CYSLTR2: variants seen among roughly 807,000 people sequenced by gnomAD.
CYSLTR2 encodes cysteinyl leukotriene receptor 2.
For synonymous variants in CYSLTR2, 179 were observed against 160.8 expected, an observed-to-expected ratio of 1.11 and a Z score of -0.86; for missense variants, 398 against 411.9, an observed-to-expected ratio of 0.97 and a Z score of 0.29.
At chr13:48,682,184 C>T (rs1953774209) in intron 1 of CYSLTR2, among the ~76,000 whole-genome samples, 1 of 152,154 alleles carries the variant, frequency 6.6e-6, no homozygotes, top group African/African-American at 2.4e-5. Context: ...ATTAATCCCT[C>T]TCCACATTTG....
chr13:48,656,900 C>T (rs1378018392), intron 1 of CYSLTR2, among the ~76,000 whole-genome samples: 1 of 152,208 alleles, frequency 6.6e-6, no homozygotes, highest in African/African-American at 2.4e-5. Flanking sequence ...GGGTGCTCAG[C>T]GTTGCTAGAG....
chr13:48,695,656 G>A (rs1349806265), intron 3 of CYSLTR2, among the ~76,000 whole-genome samples: 1 of 151,492 alleles, frequency 6.6e-6, no homozygotes, highest in African/African-American at 2.4e-5. Context: ...ATTCAAGGAT[G>A]TTATATAAAT....
intron 4 of CYSLTR2, among the ~76,000 whole-genome samples, chr13:48,703,137 C>G (rs1954392996): frequency 1.3e-5 from 2 of 152,016 alleles, no homozygotes; most frequent in South Asian, 4.1e-4. Context: ...ATTTTGTATT[C>G]TGCCACTTTG....
In CYSLTR2 at chr13:48,693,516, G is replaced by A. The variant is rs1349882267; in HGVS notation, c.-103+6G>A. ...TGAATGGGTCATTTGATAAGGTAAC[G>A]ATTAATTTCTGAAGACAGGGGAAAA... On this transcript the variant is annotated splice_donor_region_variant and intron_variant, in intron 3 of 4. Coordinates refer to ENST00000682523, the MANE Select transcript of CYSLTR2 (RefSeq NM_001308476.3). 1 of 151,086 alleles carries A rather than the reference G, an allele frequency of 6.6e-6. No homozygotes were observed. Among genetic ancestry groups the A allele is most frequent in the Non-Finnish European group, 1.5e-5 (1 of 67,908 alleles). 9.4% of individuals were successfully genotyped at this position (151,086 alleles called of 1,614,324 possible). A position where few individuals can be genotyped will look rare whatever the true frequency, so the allele number is the denominator to read the frequency against.
At position 48,708,129 on chromosome 13, in the gene CYSLTR2, A is replaced by G. The variant is rs1954553479; in HGVS notation, c.*271A>G. 3 of 304,122 alleles carry G rather than the reference A, an allele frequency of 9.9e-6. 1 individual carries two copies. In the South Asian group the frequency reaches 3.8e-4, roughly 38 times the overall value. The allele number at this position is 304,122 out of a possible 1,614,324, so 18.8% of individuals were successfully genotyped here. On this transcript the variant is annotated 3_prime_UTR_variant, in exon 5 of 5. Transcript: ENST00000682523. ...TGGGAAAAAATGCAAAGCACATTGG[A>G]TCCTACTTTTCTTCAGATATTGAAC...
chr13:48,654,251 TTGTGTGTGTGTG>T lies in CYSLTR2; in HGVS notation c.-266+277_-266+288del, dbSNP rs372575519. 5.0e-3 allele frequency among the ~76,000 whole-genome samples: 652 copies of T among 129,278 alleles called. 4 individuals are homozygous for T. Among genetic ancestry groups the T allele is most frequent in the East Asian group, 0.013 (58 of 4,304 alleles). 84.8% of individuals were successfully genotyped at this position (129,278 alleles called of 152,430 possible). The stretch of plus-strand genomic sequence containing the variant: ...TATTGATATTTTGGGGATCGTCCCT[TTGTGTGTGTGTG>T]TGTGTGTGTGTGTGTGTGTGTGTGT... On this transcript the variant is annotated intron_variant, in intron 1 of 4. Coordinates refer to ENST00000682523, the MANE Select transcript of CYSLTR2 (RefSeq NM_001308476.3).
chr13:48,673,433 C>CTTTTTTTTTTTTTTTT lies in CYSLTR2; in HGVS notation c.-265-17769_-265-17754dup, dbSNP rs61699943. Among the ~76,000 whole-genome samples the CTTTTTTTTTTTTTTTT allele has an allele frequency of 4.8e-3, 232 of 48,366 alleles. 5 individuals are homozygous for CTTTTTTTTTTTTTTTT. The highest frequency in any genetic ancestry group is 5.8e-3 in the Non-Finnish European group (158 of 27,286). The allele number at this position is 48,366 out of a possible 152,430, so 31.7% of individuals were successfully genotyped here. On this transcript the variant is annotated intron_variant, in intron 1 of 4. Coordinates refer to ENST00000682523, the MANE Select transcript of CYSLTR2 (RefSeq NM_001308476.3). ...TCAGAGACTAGGATTGTAACCCCGGCTTTTTTTTTTTTTTTTTTTTTTTTT... is the reference window on the plus strand; with the variant it reads ...TCAGAGACTAGGATTGTAACCCCGGCTTTTTTTTTTTTTTTTTTTTTTTTTTTTTTTTTTTTTTTTT...
chr13:48,660,150 A>T (rs1443899642), intron 1 of CYSLTR2, among the ~76,000 whole-genome samples: 1 of 152,196 alleles, frequency 6.6e-6, no homozygotes, highest in Non-Finnish European at 1.5e-5. Context: ...AGAAGGAAAC[A>T]AGGAGAATTA....
intron 1 of CYSLTR2, among the ~76,000 whole-genome samples, chr13:48,684,663 T>C (rs1953850524): frequency 6.6e-6 from 1 of 152,124 alleles, no homozygotes; most frequent in African/African-American, 2.4e-5. Context: ...TACGTATCCT[T>C]GTTGTGGTTG....
chr13:48,707,888 T>G lies in CYSLTR2; in HGVS notation c.*30T>G. 6.8e-7 allele frequency: 1 copy of G among 1,476,340 alleles called. No homozygotes were observed. Among genetic ancestry groups the G allele is most frequent in the Non-Finnish European group, 9.0e-7 (1 of 1,106,554 alleles). The allele number at this position is 1,476,340 out of a possible 1,614,324, so 91.5% of individuals were successfully genotyped here. On this transcript the variant is annotated 3_prime_UTR_variant, in exon 5 of 5. Transcript: ENST00000682523. The stretch of plus-strand genomic sequence containing the variant: ...CTCTTAGATGAGACCTGTTCTTGTA[T>G]CCTTGTGTCCATCTTCATTCACTCA...
At chr13:48,678,807 G>A (rs1953670252) in intron 1 of CYSLTR2, among the ~76,000 whole-genome samples, 1 of 151,890 alleles carries the variant, frequency 6.6e-6, no homozygotes, top group Non-Finnish European at 1.5e-5. Context: ...TCTATATTTA[G>A]TCCATCCACA....
intron 1 of CYSLTR2, among the ~76,000 whole-genome samples, chr13:48,671,445 T>C (rs1012764199): frequency 1.3e-5 from 2 of 152,166 alleles, no homozygotes; most frequent in Non-Finnish European, 2.9e-5. Context: ...TTTTGACATA[T>C]GTTCCTTCAA....
intron 4 of CYSLTR2, 142 bp downstream of exon 4, chr13:48,696,768 G>T (rs1195498725): frequency 1.3e-5 from 2 of 152,270 alleles, no homozygotes; most frequent in Non-Finnish European, 2.9e-5. Context: ...ATGGTACCTG[G>T]AAAATTGGGA....
In CYSLTR2 at chr13:48,707,634, A is replaced by T; in HGVS notation, c.817A>T (p.Thr273Ser). The T allele has an allele frequency of 6.2e-7, 1 of 1,613,752 alleles. No homozygotes were observed. Among genetic ancestry groups the T allele is most frequent in the Non-Finnish European group, 8.5e-7 (1 of 1,180,016 alleles). Residue 273 changes from threonine (T) to serine (S), a missense_variant, in exon 5 of 5, where the codon ACA becomes TCA. By Grantham distance (58) the Thr-to-Ser change is moderately conservative. Coordinates refer to ENST00000682523, the MANE Select transcript of CYSLTR2 (RefSeq NM_001308476.3). ...YHTLRTVHLT[T>S]WKVGLCKDRL... The stretch of plus-strand genomic sequence containing the variant: ...CACACTGAGGACCGTCCACTTGACG[A>T]CATGGAAAGTGGGTTTATGCAAAGA...
chr13:48,690,753 A>G (rs1035794991), intron 1 of CYSLTR2, among the ~76,000 whole-genome samples: 1 of 152,126 alleles, frequency 6.6e-6, no homozygotes, highest in African/African-American at 2.4e-5. Flanking sequence ...TGGTATCAGG[A>G]TGATACTGGC....
At chr13:48,670,201 C>T (rs1953385837) in intron 1 of CYSLTR2, among the ~76,000 whole-genome samples, 1 of 152,094 alleles carries the variant, frequency 6.6e-6, no homozygotes, top group East Asian at 1.9e-4. Flanking sequence ...GGATAAATTG[C>T]AAAAATTTTC....
chr13:48,668,175 C>T (rs927730495), intron 1 of CYSLTR2, among the ~76,000 whole-genome samples: 1 of 151,736 alleles, frequency 6.6e-6, no homozygotes, highest in Non-Finnish European at 1.5e-5. Flanking sequence ...ATATATCCCC[C>T]AAAGAGCAAG....
chr13:48,668,019 A>G (rs1014166983), intron 1 of CYSLTR2, among the ~76,000 whole-genome samples: 6 of 152,174 alleles, frequency 3.9e-5, no homozygotes, highest in Non-Finnish European at 7.4e-5. Flanking sequence ...ACATTGCAGT[A>G]ACACTTGTTT....
chr13:48,706,557 G>A (rs544984161), intron 4 of CYSLTR2: 3 of 397,420 alleles, frequency 7.5e-6, no homozygotes, highest in East Asian at 4.8e-5. Flanking sequence ...TAGGTCACAA[G>A]TTCTCTAAGT....
Sources: gnomAD v4.1 joint callset for allele counts (sites outside exome capture counted in the v4.1 genomes callset) on GRCh38, gnomAD v4.1.1 for gene constraint, MANE v1.5 for transcripts, NCBI Gene and HGNC (gene_info 2026-07-23, HGNC 2026-07-21) for gene names.